The following PCED1B variants were observed in gnomAD, a reference collection of about 807,000 sequenced individuals.
PCED1B encodes PC-esterase domain containing 1B.
For missense variants in PCED1B, 573 were observed against 573.9 expected (o/e 1.00, Z 0.02); for synonymous variants, 251 against 246.1 (o/e 1.02, Z -0.19).
chr12:47,189,038 C>G (rs796463556), intron 2 of PCED1B, among the ~76,000 whole-genome samples: 2 of 152,148 alleles, frequency 1.3e-5, no homozygotes, highest in African/African-American at 4.8e-5. Flanking sequence ...CCACTTATCT[C>G]GAGATTTCCT....
At chr12:47,085,836 A>C (rs1283569496) in intron 1 of PCED1B, among the ~76,000 whole-genome samples, 7 of 152,216 alleles carry the variant, frequency 4.6e-5, no homozygotes, top group Admixed American at 4.6e-4. Flanking sequence ...AGTCATGTGC[A>C]TCAATGTTTC....
At chr12:47,172,239 T>A (rs1941767577) in intron 2 of PCED1B, among the ~76,000 whole-genome samples, 1 of 152,106 alleles carries the variant, frequency 6.6e-6, no homozygotes, top group Non-Finnish European at 1.5e-5. Context: ...TATTTTGAGA[T>A]ACTTCTTCCA....
At chr12:47,230,644 T>A (rs214694) in intron 3 of PCED1B, among the ~76,000 whole-genome samples, 1 of 151,820 alleles carries the variant, frequency 6.6e-6, no homozygotes, top group Non-Finnish European at 1.5e-5. Flanking sequence ...ATTTCACCAT[T>A]TTGGCCAGGC....
chr12:47,112,425 C>A (rs1481126837), intron 2 of PCED1B, among the ~76,000 whole-genome samples: 1 of 152,186 alleles, frequency 6.6e-6, no homozygotes, highest in Non-Finnish European at 1.5e-5. Context: ...TTTCTCTATA[C>A]TTCATTAAGT....
At chr12:47,133,543 C>G (rs1036987711) in intron 2 of PCED1B, among the ~76,000 whole-genome samples, 1 of 152,124 alleles carries the variant, frequency 6.6e-6, no homozygotes, top group Non-Finnish European at 1.5e-5. Context: ...GATGTGGGTT[C>G]AAGCCTGATA....
intron 2 of PCED1B, among the ~76,000 whole-genome samples, chr12:47,193,347 A>G (rs908782051): frequency 3.9e-5 from 6 of 152,152 alleles, no homozygotes; most frequent in African/African-American, 1.4e-4. Flanking sequence ...GTTCAAGCCA[A>G]TGCAGAAACC....
chr12:47,157,197 C>G (rs1225484462), intron 2 of PCED1B, among the ~76,000 whole-genome samples: 1 of 152,090 alleles, frequency 6.6e-6, no homozygotes, highest in East Asian at 1.9e-4. Flanking sequence ...GAGCTTACCC[C>G]TGAACACATA....
chr12:47,163,783 G>C (rs1281282758), intron 2 of PCED1B, among the ~76,000 whole-genome samples: 2 of 152,162 alleles, frequency 1.3e-5, no homozygotes, highest in East Asian at 3.8e-4. Context: ...AATTATGTAG[G>C]TTGTGAGGTT....
At chr12:47,160,293 C>CTTTTTTTTTTTTTTTTTTTTT (rs59856338) in intron 2 of PCED1B, among the ~76,000 whole-genome samples, 6 of 69,228 alleles carry the variant, frequency 8.7e-5, no homozygotes, top group African/African-American at 1.9e-4. Context: ...TTTTCTTTTT[C>CTTTTTTTTTTTTTTTTTTTTT]TTTTTTTTTT....
chr12:47,224,263 G>A (rs1943569458), intron 3 of PCED1B, among the ~76,000 whole-genome samples: 1 of 152,176 alleles, frequency 6.6e-6, no homozygotes, highest in Admixed American at 6.5e-5. Flanking sequence ...ATGGTCCATA[G>A]TTTTATCTTT....
intron 2 of PCED1B, among the ~76,000 whole-genome samples, chr12:47,194,005 C>T (rs1490937009): frequency 6.6e-6 from 1 of 152,174 alleles, no homozygotes; most frequent in Non-Finnish European, 1.5e-5. Context: ...ACCACATGCT[C>T]TTGCTGTGCT....
intron 2 of PCED1B, among the ~76,000 whole-genome samples, chr12:47,173,824 G>T (rs1383672748): frequency 1.3e-5 from 2 of 152,148 alleles, no homozygotes; most frequent in Non-Finnish European, 2.9e-5. Context: ...ATTATACGAG[G>T]CTCATAAATA....
intron 2 of PCED1B, among the ~76,000 whole-genome samples, chr12:47,127,613 C>G (rs1297122692): frequency 1.3e-5 from 2 of 152,092 alleles, no homozygotes; most frequent in Non-Finnish European, 2.9e-5. Flanking sequence ...ATCTGCCCAC[C>G]TAGACCTCCC....
At chr12:47,136,378 A>G (rs536155605) in intron 2 of PCED1B, among the ~76,000 whole-genome samples, 4 of 152,316 alleles carry the variant, frequency 2.6e-5, no homozygotes, top group Middle Eastern at 3.4e-3. Context: ...CCTCTTATGC[A>G]AAGAATTTCA....
chr12:47,088,718 T>A (rs1565739439), intron 1 of PCED1B, among the ~76,000 whole-genome samples: 1 of 152,094 alleles, frequency 6.6e-6, no homozygotes, highest in South Asian at 2.1e-4. Flanking sequence ...ATAGAAGAGG[T>A]CAGGTGCAAA....
chr12:47,204,969 C>T (rs1400251178), intron 2 of PCED1B, among the ~76,000 whole-genome samples: 7 of 152,184 alleles, frequency 4.6e-5, no homozygotes, highest in Non-Finnish European at 1.5e-5. Flanking sequence ...CTAACAGGTT[C>T]TCCTTGCCCA....
At chr12:47,113,856 A>C (rs1245448201) in intron 2 of PCED1B, among the ~76,000 whole-genome samples, 1 of 152,078 alleles carries the variant, frequency 6.6e-6, no homozygotes, top group Non-Finnish European at 1.5e-5. Context: ...CTAAAAATAC[A>C]AAAATTAGCT....
chr12:47,154,743 A>G (rs1457056595), intron 2 of PCED1B, among the ~76,000 whole-genome samples: 2 of 150,986 alleles, frequency 1.3e-5, no homozygotes, highest in Non-Finnish European at 2.9e-5. Flanking sequence ...CTCAAGGCAG[A>G]AATATGTAGT....
chr12:47,223,628 G>A (rs1360616228), intron 3 of PCED1B: 1 of 152,248 alleles, frequency 6.6e-6, no homozygotes, highest in Non-Finnish European at 1.5e-5. Context: ...GGGATATCCG[G>A]GAGCGAAGTC....
Sources: gnomAD v4.1 joint callset for allele counts (sites outside exome capture counted in the v4.1 genomes callset) on GRCh38, gnomAD v4.1.1 for gene constraint, MANE v1.5 for transcripts, NCBI Gene and HGNC (gene_info 2026-07-23, HGNC 2026-07-21) for gene names.